Variants in PDE4D observed in about 807,000 individuals in gnomAD.
PDE4D encodes the protein 3',5'-cyclic-AMP phosphodiesterase 4D.
PDE4D carries 24 observed loss-of-function variants against 87.4 expected under a neutral mutation model. That is an observed-to-expected ratio of 0.27 (90% CI 0.20 to 0.39). The LOEUF (loss-of-function observed/expected upper bound fraction) is 0.39, where lower values mean the gene tolerates loss of function less well. Ranked by LOEUF, PDE4D falls within the 10% of genes least tolerant of loss-of-function variation. The pLI is 1.00. For missense variants in PDE4D, 714 were observed against 1,041.0 expected (o/e 0.69, Z 4.32); for synonymous variants, 384 against 383.2 (o/e 1.00, Z -0.02).
intron 1 of PDE4D, among the ~76,000 whole-genome samples, chr5:59,599,246 T>G (rs1041988501): frequency 3.3e-5 from 5 of 150,918 alleles, no homozygotes; most frequent in Non-Finnish European, 5.9e-5. Context: ...CTTTTTTTTT[T>G]TTTGAGCTCT....
chr5:60,212,540 G>A (rs1317355413), intron 1 of PDE4D, among the ~76,000 whole-genome samples: 1 of 152,162 alleles, frequency 6.6e-6, no homozygotes, highest in Non-Finnish European at 1.5e-5. Flanking sequence ...GAAGTTGTAA[G>A]CAATATGTAG....
intron 1 of PDE4D, among the ~76,000 whole-genome samples, chr5:59,710,581 AAT>A (rs1754063868): frequency 6.6e-6 from 1 of 151,996 alleles, no homozygotes; most frequent in South Asian, 2.1e-4. Context: ...ACTTAATGTC[AAT>A]GTTAAAAATA....
intron 1 of PDE4D, among the ~76,000 whole-genome samples, chr5:60,275,850 CT>C (rs890328820): frequency 4.6e-5 from 7 of 151,760 alleles, no homozygotes; most frequent in African/African-American, 9.7e-5. Flanking sequence ...TTAAGCTTAA[CT>C]TTTTTTTATT....
chr5:59,378,214 A>G (rs186449014), intron 1 of PDE4D, among the ~76,000 whole-genome samples: 260 of 152,336 alleles, frequency 1.7e-3, no homozygotes, highest in Middle Eastern at 6.8e-3. Context: ...CTCACTTATT[A>G]GTGGGAGCTA....
intron 5 of PDE4D, chr5:59,125,267 C>A (rs1377931251): frequency 1.0e-6 from 1 of 984,678 alleles, no homozygotes; most frequent in East Asian, 1.1e-4. Flanking sequence ...TACAGCCAGA[C>A]CTTAGGGAAA....
At chr5:60,485,300 A>G (rs1197970768) in intron 1 of PDE4D, among the ~76,000 whole-genome samples, 1 of 152,036 alleles carries the variant, frequency 6.6e-6, no homozygotes, top group African/African-American at 2.4e-5. Flanking sequence ...GAATTATTAA[A>G]TTCTTGGGCA....
chr5:59,861,026 AT>A lies in PDE4D; in HGVS notation c.455+32141del, dbSNP rs33992679. 5.5e-3 allele frequency among the ~76,000 whole-genome samples: 740 copies of A among 134,948 alleles called. 3 individuals are homozygous for A. The highest frequency in any genetic ancestry group is 0.026 in the East Asian group (120 of 4,612). 88.5% of individuals were successfully genotyped at this position (134,948 alleles called of 152,430 possible). On this transcript the variant is annotated intron_variant, in intron 1 of 14. Coordinates refer to ENST00000340635, the MANE Select transcript of PDE4D (RefSeq NM_001104631.2). ...GGCACCCGAACACCACACCTAGATA[AT>A]TTTTTTTTTTTTTTTGTATTTTTAC... is the stretch of plus-strand genomic sequence containing the variant.
intron 1 of PDE4D, among the ~76,000 whole-genome samples, chr5:59,875,460 CAAAAAAAAA>C (rs3062667): frequency 1.5e-4 from 6 of 39,690 alleles, no homozygotes; most frequent in Admixed American, 4.3e-4. Flanking sequence ...ACCTCCGTCT[CAAAAAAAAA>C]AAAAAAAAAA....
At chr5:60,124,460 GA>G (rs1367717327) in intron 2 of PDE4D, among the ~76,000 whole-genome samples, 3 of 112,902 alleles carry the variant, frequency 2.7e-5, no homozygotes, top group Non-Finnish European at 6.2e-5. Flanking sequence ...CTATTTCTTT[GA>G]AAAAAATAAT....
chr5:60,093,815 A>G (rs1775388800), intron 2 of PDE4D, among the ~76,000 whole-genome samples: 1 of 152,214 alleles, frequency 6.6e-6, no homozygotes, highest in African/African-American at 2.4e-5. Flanking sequence ...TTTGGTGGTA[A>G]GTAAAACTAC....
chr5:59,282,184 C>T (rs1265002781), intron 1 of PDE4D, among the ~76,000 whole-genome samples: 1 of 151,828 alleles, frequency 6.6e-6, no homozygotes, highest in African/African-American at 2.4e-5. Context: ...TCAAGTAGTT[C>T]CTAACTCTAT....
chr5:59,875,922 G>A (rs1748533467), intron 1 of PDE4D, among the ~76,000 whole-genome samples: 1 of 152,050 alleles, frequency 6.6e-6, no homozygotes, highest in African/African-American at 2.4e-5. Flanking sequence ...GAACACATGG[G>A]CACATAGAGG....
intron 1 of PDE4D, among the ~76,000 whole-genome samples, chr5:60,487,478 T>C (rs1749243569): frequency 6.6e-6 from 1 of 152,192 alleles, no homozygotes; most frequent in Non-Finnish European, 1.5e-5. Context: ...TCATTTTACA[T>C]TTCTCCTGTT....
chr5:60,044,440 T>C (rs1232677545), intron 2 of PDE4D, among the ~76,000 whole-genome samples: 1 of 152,100 alleles, frequency 6.6e-6, no homozygotes, highest in Non-Finnish European at 1.5e-5. Flanking sequence ...TGTATACATG[T>C]GCCATGCTGG....
At chr5:60,251,285 G>GGGGGGA (rs1748419244) in intron 1 of PDE4D, among the ~76,000 whole-genome samples, 1 of 151,544 alleles carries the variant, frequency 6.6e-6, no homozygotes, top group Non-Finnish European at 1.5e-5. Context: ...TGGGGGTTTG[G>GGGGGGA]TGTACAGATT....
At chr5:59,167,914 T>C (rs1281296539) in intron 5 of PDE4D, among the ~76,000 whole-genome samples, 16 of 151,960 alleles carry the variant, frequency 1.1e-4, no homozygotes, top group Non-Finnish European at 1.3e-4. Context: ...GAGGCAGAAA[T>C]CAAGTTCTCT....
intron 5 of PDE4D, among the ~76,000 whole-genome samples, chr5:59,107,040 T>A (rs891867721): frequency 3.3e-5 from 5 of 152,148 alleles, no homozygotes; most frequent in Non-Finnish European, 1.5e-5. Flanking sequence ...TTAATGTTTT[T>A]TGAAAAAAAC....
intron 5 of PDE4D, among the ~76,000 whole-genome samples, chr5:59,057,071 G>A (rs1762482693): frequency 6.6e-6 from 1 of 152,170 alleles, no homozygotes; most frequent in Non-Finnish European, 1.5e-5. Context: ...ATTAAGGTGA[G>A]AAACCATTGC....
upstream of PDE4D, among the ~76,000 whole-genome samples, chr5:60,489,115 A>T (rs1362721988): frequency 2.6e-5 from 4 of 152,238 alleles, no homozygotes; most frequent in African/African-American, 9.6e-5. Flanking sequence ...GCAAAAAAAT[A>T]TGTGAAACTG....
Sources: allele counts gnomAD v4.1 joint callset (sites outside exome capture counted in the v4.1 genomes callset), GRCh38; gene constraint gnomAD v4.1.1; transcripts MANE v1.5; gene names NCBI Gene and HGNC (gene_info 2026-07-23, HGNC 2026-07-21).